The following JAKMIP3 variants were observed in gnomAD, a reference collection of about 807,000 sequenced individuals.
JAKMIP3 encodes janus kinase and microtubule-interacting protein 3.
Under a neutral mutation model 118.5 loss-of-function variants are expected in JAKMIP3, and 58 were observed. The observed-to-expected ratio is 0.49, with a 90% CI of 0.40 to 0.61. JAKMIP3 has a LOEUF of 0.61. Among genes scored for constraint, JAKMIP3 ranks in the 20% least tolerant of loss-of-function variants. The pLI is 0.00. For missense variants in JAKMIP3, 950 were observed against 1,109.0 expected (o/e 0.86, Z 2.04); for synonymous variants, 486 against 451.2 (o/e 1.08, Z -0.98).
At chr10:132,080,503 A>ATTTTTTTTTTT (rs201838731) in intron 1 of JAKMIP3, among the ~76,000 whole-genome samples, 5 of 61,580 alleles carry the variant, frequency 8.1e-5, no homozygotes, top group South Asian at 6.8e-4. Context: ...AAGTTATAGG[A>ATTTTTTTTTTT]TTTTTTTTTT....
At chr10:132,135,496 C>T (rs1564940480) in intron 5 of JAKMIP3, among the ~76,000 whole-genome samples, 1 of 152,224 alleles carries the variant, frequency 6.6e-6, no homozygotes, top group Non-Finnish European at 1.5e-5. Flanking sequence ...TTCCAGGTAA[C>T]TCGATATCCC....
upstream of JAKMIP3, among the ~76,000 whole-genome samples, chr10:132,062,632 A>G (rs1318349426): frequency 6.6e-6 from 1 of 152,286 alleles, no homozygotes; most frequent in Non-Finnish European, 1.5e-5. Context: ...GATGCCAATT[A>G]TGCTATTTCT....
At chr10:132,161,900 A>T (rs1251482869) in intron 19 of JAKMIP3, among the ~76,000 whole-genome samples, 2 of 121,754 alleles carry the variant, frequency 1.6e-5, no homozygotes, top group African/African-American at 2.6e-5. Context: ...TGGGGGGGCC[A>T]CTTCCTGTTT....
Position 132,082,275 on chromosome 10 carries a change from G to T in JAKMIP3, c.-138+16214G>T, listed in dbSNP as rs558907396. On this transcript the variant is annotated intron_variant, in intron 1 of 23. Coordinates refer to ENST00000684848, the MANE Select transcript of JAKMIP3 (RefSeq NM_001323087.2). ...GTTATTGGGGAACAGGTGGTGTTCG[G>T]TTACATGGGTAAATTGTTTAGCGGT... is the stretch of plus-strand genomic sequence containing the variant. Among the ~76,000 whole-genome samples, 78 of 151,708 alleles carry T rather than the reference G, an allele frequency of 5.1e-4. No individual in the cohort carries two copies. In the South Asian group the frequency reaches 0.016, roughly 31 times the overall value.
chr10:132,109,929 C>T (rs138286871), intron 2 of JAKMIP3, among the ~76,000 whole-genome samples: 10 of 152,362 alleles, frequency 6.6e-5, no homozygotes, highest in Admixed American at 2.0e-4. Flanking sequence ...CAATTGGCAG[C>T]ATCAATGCTT....
At chr10:132,140,986 G>T (rs1450749591) in intron 10 of JAKMIP3, among the ~76,000 whole-genome samples, 1 of 152,210 alleles carries the variant, frequency 6.6e-6, no homozygotes, top group Non-Finnish European at 1.5e-5. Flanking sequence ...TTAGGGTGAG[G>T]GGTGTTGAGC....
chr10:132,147,911 G>A (rs1317368581), intron 13 of JAKMIP3, 41 bp from the exon 14 acceptor site: 24 of 1,433,214 alleles, frequency 1.7e-5, no homozygotes, highest in Non-Finnish European at 2.2e-5. Flanking sequence ...TCTGGTGAGA[G>A]AGAACCAGAC....
At chr10:132,180,568 CGTGTGTGTGTGCGT>C (rs1276153035) in intron 23 of JAKMIP3, among the ~76,000 whole-genome samples, 8 of 22,314 alleles carry the variant, frequency 3.6e-4, no homozygotes, top group Admixed American at 1.6e-3. Context: ...CGTGTGTGTG[CGTGTGTGTGTGCGT>C]GCGCGTGTGT....
At chr10:132,136,129 G>C in intron 6 of JAKMIP3, 53 bp downstream of exon 6, 2 of 1,584,172 alleles carry the variant, frequency 1.3e-6, no homozygotes, top group Non-Finnish European at 1.7e-6. Flanking sequence ...GCTCCAGGCA[G>C]CATCTCCTCC....
chr10:132,105,501 G>C (rs2045764537), intron 2 of JAKMIP3, among the ~76,000 whole-genome samples: 1 of 151,544 alleles, frequency 6.6e-6, no homozygotes, highest in Non-Finnish European at 1.5e-5. Flanking sequence ...TGAAGCCTCG[G>C]GAAAGATTGG....
At chr10:132,098,872 G>A (rs1217217974) in intron 1 of JAKMIP3, among the ~76,000 whole-genome samples, 2 of 152,244 alleles carry the variant, frequency 1.3e-5, no homozygotes, top group Admixed American at 6.5e-5. Flanking sequence ...CCTTCCTCCT[G>A]GAGAGACAGG....
Position 132,180,638 on chromosome 10 carries a change from CGTGT to C in JAKMIP3, c.*1104-1715_*1104-1712del, listed in dbSNP as rs1211080980. Reference sequence around the variant, plus strand: ...GTGCGTGTGTGTGCGTGTGTGCGTGCGTGTGTGCGTGTGCGTGTGCGTGTGTGCG... The same window carrying C: ...GTGCGTGTGTGTGCGTGTGTGCGTGCGTGCGTGTGCGTGTGCGTGTGTGCG... On this transcript the variant is annotated intron_variant, in intron 23 of 23. Coordinates refer to ENST00000684848, the MANE Select transcript of JAKMIP3 (RefSeq NM_001323087.2). Among the ~76,000 whole-genome samples, 19 of 9,368 alleles carry C rather than the reference CGTGT, an allele frequency of 2.0e-3. 3 individuals are homozygous for C. Among genetic ancestry groups the C allele is most frequent in the African/African-American group, 4.3e-3 (9 of 2,100 alleles). The allele number at this position is 9,368 out of a possible 152,430, so 6.1% of individuals were successfully genotyped here. A position where few individuals can be genotyped will look rare whatever the true frequency, so the allele number is the denominator to read the frequency against.
intron 3 of JAKMIP3, among the ~76,000 whole-genome samples, chr10:132,127,012 T>G (rs905358063): frequency 6.6e-6 from 1 of 152,214 alleles, no homozygotes; most frequent in African/African-American, 2.4e-5. Flanking sequence ...TCAACGTAAG[T>G]ATATTTCTTC....
chr10:132,054,760 C>T lies in JAKMIP3; in HGVS notation c.-138+18022C>T, dbSNP rs77208481. Among the ~76,000 whole-genome samples, 800 of 152,306 alleles carry T rather than the reference C, an allele frequency of 5.3e-3. 14 individuals are homozygous for T. Among genetic ancestry groups the T allele is most frequent in the African/African-American group, 0.018 (754 of 41,552 alleles). On this transcript the variant is annotated intron_variant, in intron 1 of 23. Coordinates refer to the JAKMIP3 transcript ENST00000657785. Reference sequence around the variant, plus strand: ...AGAGAAGCAGCACCACGGACAGCACCGAAGCTGTTCCCCTGGGCTCGGGGA... The same window carrying T: ...AGAGAAGCAGCACCACGGACAGCACTGAAGCTGTTCCCCTGGGCTCGGGGA...
chr10:132,109,513 C>T (rs1416725951), intron 2 of JAKMIP3, among the ~76,000 whole-genome samples: 1 of 152,138 alleles, frequency 6.6e-6, no homozygotes, highest in East Asian at 1.9e-4. Context: ...CCCCTGCGCC[C>T]GGGCGTCTTC....
In JAKMIP3 at chr10:132,148,003, G is replaced by A. The variant is rs753255617; in HGVS notation, c.1801G>A (p.Ala601Thr). Reference sequence around the variant, plus strand: ...TCGGCTCAGACACGAGGTGCAGGACGCCAGAGACCAAAACGAGCTGCTGGA... The same window carrying A: ...TCGGCTCAGACACGAGGTGCAGGACACCAGAGACCAAAACGAGCTGCTGGA... ...EARLRHEVQDARDQNELLEFR... is the reference protein window; with the variant it reads ...EARLRHEVQDTRDQNELLEFR... Residue 601 changes from alanine to threonine, a missense_variant, in exon 14 of 24, where the codon GCC becomes ACC. Transcript: ENST00000684848. The A allele has an allele frequency of 3.7e-6, 6 of 1,610,848 alleles. No homozygotes were observed. The highest frequency in any genetic ancestry group is 2.7e-5 in the African/African-American group (2 of 74,892).
At chr10:132,156,612 C>T (rs745678432) in intron 19 of JAKMIP3, among the ~76,000 whole-genome samples, 5 of 152,172 alleles carry the variant, frequency 3.3e-5, no homozygotes, top group Non-Finnish European at 7.3e-5. Flanking sequence ...TCTAGGAAAC[C>T]TTCCCTGACC....
chr10:132,073,519 C>T (rs543524183), intron 1 of JAKMIP3, among the ~76,000 whole-genome samples: 1 of 135,306 alleles, frequency 7.4e-6, no homozygotes, highest in Admixed American at 7.9e-5. Flanking sequence ...TTTTTTGAGA[C>T]AGGATCTTGC....
At chr10:132,122,578 T>C (rs1339823408) in intron 3 of JAKMIP3, among the ~76,000 whole-genome samples, 1 of 152,234 alleles carries the variant, frequency 6.6e-6, no homozygotes, top group Non-Finnish European at 1.5e-5. Context: ...GCAAGCCCTC[T>C]GTCTTGTCCT....
Sources: allele counts gnomAD v4.1 joint callset (sites outside exome capture counted in the v4.1 genomes callset), GRCh38; gene constraint gnomAD v4.1.1; transcripts MANE v1.5; gene names NCBI Gene and HGNC (gene_info 2026-07-23, HGNC 2026-07-21).